RIMS2: variants seen among roughly 807,000 people sequenced by gnomAD.
RIMS2 encodes the protein regulating synaptic membrane exocytosis 2, also known as regulating synaptic membrane exocytosis protein 2.
Under a neutral mutation model 174.4 loss-of-function variants are expected in RIMS2, and 59 were observed. The ratio of observed to expected loss-of-function variants is 0.34; its 90% CI spans 0.27 to 0.42. The LOEUF is 0.42. Among genes scored for constraint, RIMS2 ranks in the 10% least tolerant of loss-of-function variants. The probability of loss-of-function intolerance (pLI) is 1.00; values close to 1 mark genes in which losing one functional copy is unlikely to be tolerated. For missense variants in RIMS2, 1,620 were observed against 1,666.3 expected (o/e 0.97, Z 0.48); for synonymous variants, 606 against 572.5 (o/e 1.06, Z -0.84).
intron 9 of RIMS2, chr8:103,920,892 G>T (rs1195508160): frequency 6.0e-6 from 2 of 333,616 alleles, no homozygotes; most frequent in Non-Finnish European, 1.2e-5. Context: ...CCAGCTACTT[G>T]GGAGGCTGAG....
intron 19 of RIMS2, among the ~76,000 whole-genome samples, chr8:104,058,054 C>A: frequency 6.6e-6 from 1 of 151,392 alleles, no homozygotes; most frequent in Non-Finnish European, 1.5e-5. Context: ...TTTATAGCAG[C>A]ATGATTTATA....
chr8:103,734,495 T>A (rs1490836456), intron 2 of RIMS2, among the ~76,000 whole-genome samples: 3 of 151,622 alleles, frequency 2.0e-5, no homozygotes, highest in Non-Finnish European at 2.9e-5. Context: ...CATATTAGTA[T>A]TTTTATTTCT....
intron 19 of RIMS2, among the ~76,000 whole-genome samples, chr8:104,218,202 T>C (rs2099139513): frequency 6.6e-6 from 1 of 152,264 alleles, no homozygotes; most frequent in Admixed American, 6.5e-5. Context: ...CAACTAGCCT[T>C]TTCTGAGTTG....
intron 19 of RIMS2, among the ~76,000 whole-genome samples, chr8:104,073,954 T>G (rs1198325871): frequency 6.6e-6 from 1 of 152,216 alleles, no homozygotes; most frequent in African/African-American, 2.4e-5. Flanking sequence ...ATAAGCAGTA[T>G]TAATAGAAAA....
At chr8:104,161,923 T>C (rs1196234515) in intron 19 of RIMS2, among the ~76,000 whole-genome samples, 2 of 152,220 alleles carry the variant, frequency 1.3e-5, no homozygotes, top group Non-Finnish European at 2.9e-5. Context: ...ACACATTGAA[T>C]CTTTCTTGTG....
intron 3 of RIMS2, among the ~76,000 whole-genome samples, chr8:103,803,023 C>T (rs1205347278): frequency 6.6e-6 from 1 of 152,038 alleles, no homozygotes; most frequent in Non-Finnish European, 1.5e-5. Context: ...TACATTGAAG[C>T]ATATGTACTT....
chr8:103,505,195 C>G (rs1410662948), intron 1 of RIMS2, among the ~76,000 whole-genome samples: 1 of 152,034 alleles, frequency 6.6e-6, no homozygotes, highest in African/African-American at 2.4e-5. Flanking sequence ...GAGCCAACTA[C>G]TGTTACTAGT....
chr8:104,210,716 T>G (rs2099101533), intron 19 of RIMS2, among the ~76,000 whole-genome samples: 2 of 152,248 alleles, frequency 1.3e-5, no homozygotes, highest in Admixed American at 1.3e-4. Flanking sequence ...CCTTTCCATC[T>G]GACTTTTGCA....
intron 1 of RIMS2, among the ~76,000 whole-genome samples, chr8:103,542,976 G>A (rs1338645385): frequency 6.6e-6 from 1 of 152,116 alleles, no homozygotes; most frequent in African/African-American, 2.4e-5. Context: ...AAGGATGCCT[G>A]CTCCTACCAC....
intron 1 of RIMS2, among the ~76,000 whole-genome samples, chr8:103,646,937 T>G (rs2096347657): frequency 6.6e-6 from 1 of 152,204 alleles, no homozygotes; most frequent in African/African-American, 2.4e-5. Flanking sequence ...TGTTTCCAGC[T>G]TTTGCCCATT....
At chr8:103,979,196 A>G (rs373500720) in intron 16 of RIMS2, among the ~76,000 whole-genome samples, 23 of 152,194 alleles carry the variant, frequency 1.5e-4, no homozygotes, top group African/African-American at 5.3e-4. Context: ...TTGGGGGACA[A>G]AAGCAGTATT....
intron 1 of RIMS2, among the ~76,000 whole-genome samples, chr8:103,631,008 T>A (rs1000536974): frequency 1.3e-5 from 2 of 152,248 alleles, no homozygotes; most frequent in Non-Finnish European, 2.9e-5. Context: ...TACTTGTAGA[T>A]GTTGGATATT....
intron 2 of RIMS2, among the ~76,000 whole-genome samples, chr8:103,730,759 G>A (rs548337127): frequency 3.3e-5 from 5 of 152,242 alleles, no homozygotes; most frequent in African/African-American, 1.2e-4. Context: ...TTTTCTGTAG[G>A]ACAGATCTGA....
At chr8:103,663,717 T>C (rs4549736) in intron 1 of RIMS2, among the ~76,000 whole-genome samples, 18,892 of 152,112 alleles carry the variant, frequency 0.12, 1,276 homozygotes, top group Middle Eastern at 0.22. Flanking sequence ...CCAAGGTAAT[T>C]TATAGATTCA....
intron 1 of RIMS2, among the ~76,000 whole-genome samples, chr8:103,674,590 C>T (rs1179588024): frequency 1.3e-5 from 2 of 151,442 alleles, no homozygotes; most frequent in Non-Finnish European, 2.9e-5. Context: ...ATTTTTATGC[C>T]TTTACAACTT....
intron 1 of RIMS2, among the ~76,000 whole-genome samples, chr8:103,515,121 T>C (rs1359999492): frequency 1.3e-5 from 2 of 152,284 alleles, no homozygotes. Context: ...ATAATGAGAA[T>C]GGTATTCTAA....
At position 103,547,583 on chromosome 8, in the gene RIMS2, C is replaced by T. The variant is rs1204793828; in HGVS notation, c.176+46521C>T. ...GAAAGATTTTAAATTAACAGCCTAACATCATAGCGAGAGGAACTAGAGAAA... is the reference window on the plus strand; with the variant it reads ...GAAAGATTTTAAATTAACAGCCTAATATCATAGCGAGAGGAACTAGAGAAA... On this transcript the variant is annotated intron_variant, in intron 1 of 23. Transcript: ENST00000504942. 2.6e-5 allele frequency among the ~76,000 whole-genome samples: 4 copies of T among 152,206 alleles called. No homozygotes were observed. In the East Asian group the frequency reaches 7.7e-4, roughly 29 times the overall value.
At chr8:104,169,341 A>ATATATAT (rs1563510137) in intron 19 of RIMS2, among the ~76,000 whole-genome samples, 1,796 of 32,340 alleles carry the variant, frequency 0.056, 16 homozygotes, top group African/African-American at 0.09. Context: ...TATATATATA[A>ATATATAT]AACAGATTCA....
intron 1 of RIMS2, among the ~76,000 whole-genome samples, chr8:103,579,524 A>G (rs541232596): frequency 2.0e-5 from 3 of 152,158 alleles, no homozygotes; most frequent in Non-Finnish European, 4.4e-5. Flanking sequence ...GAGAAAGTCT[A>G]TGTATTTTGA....
Sources: allele counts gnomAD v4.1 joint callset (sites outside exome capture counted in the v4.1 genomes callset), GRCh38; gene constraint gnomAD v4.1.1; transcripts MANE v1.5; gene names NCBI Gene and HGNC (gene_info 2026-07-23, HGNC 2026-07-21).